The following VPS13C variants were observed in gnomAD, a reference collection of about 807,000 sequenced individuals.
VPS13C encodes vacuolar protein sorting 13 homolog C.
A neutral mutation model predicts 456.8 loss-of-function variants in VPS13C; 358 were observed. The ratio of observed to expected loss-of-function variants is 0.78; its 90% confidence interval spans 0.72 to 0.86. The LOEUF is 0.86. Among genes scored for constraint, VPS13C ranks in the 40% least tolerant of loss-of-function variants. The pLI, the probability that VPS13C is intolerant of heterozygous loss-of-function variation, is 0.00. For synonymous variants in VPS13C, 1,578 were observed against 1,486.7 expected (o/e 1.06, Z -1.41); for missense variants, 4,818 against 4,385.4 (o/e 1.10, Z -2.79).
intron 78 of VPS13C, among the ~76,000 whole-genome samples, chr15:61,872,690 T>C (rs1895124173): frequency 6.6e-6 from 1 of 152,084 alleles, no homozygotes. Context: ...GGATACACAC[T>C]TAAATTGGAA....
At chr15:62,021,449 G>A (rs979115185) in intron 8 of VPS13C, among the ~76,000 whole-genome samples, 15 of 151,760 alleles carry the variant, frequency 9.9e-5, no homozygotes, top group African/African-American at 3.4e-4. Flanking sequence ...TTAAGTTTTT[G>A]TTGTATTTCT....
intron 61 of VPS13C, among the ~76,000 whole-genome samples, 166 bp downstream of exon 61, chr15:61,915,467 T>C (rs1458744953): frequency 6.6e-6 from 1 of 152,196 alleles, no homozygotes; most frequent in Non-Finnish European, 1.5e-5. Context: ...AGGAAACCTA[T>C]TAGTTCCTAA....
At chr15:62,043,328 G>C (rs547215274) in intron 2 of VPS13C, among the ~76,000 whole-genome samples, 31 of 152,322 alleles carry the variant, frequency 2.0e-4, no homozygotes, top group African/African-American at 7.5e-4. Flanking sequence ...AGTTAGGCTG[G>C]GCGCAGTGGC....
At chr15:62,003,358 C>T (rs1171982177) in intron 15 of VPS13C, among the ~76,000 whole-genome samples, 1 of 151,664 alleles carries the variant, frequency 6.6e-6, no homozygotes, top group African/African-American at 2.4e-5. Flanking sequence ...GTGATTTTTG[C>T]ACATTGATTT....
At chr15:62,043,992 G>T (rs1596527040) in intron 2 of VPS13C, among the ~76,000 whole-genome samples, 1 of 152,042 alleles carries the variant, frequency 6.6e-6, no homozygotes, top group African/African-American at 2.4e-5. Context: ...TTAGATCAAC[G>T]AAAAACACTC....
intron 42 of VPS13C, among the ~76,000 whole-genome samples, chr15:61,948,399 C>T (rs933985615): frequency 6.6e-6 from 1 of 151,856 alleles, no homozygotes; most frequent in African/African-American, 2.4e-5. Context: ...AAATCACATC[C>T]GGCCGGGCGT....
chr15:61,922,791 A>G (rs910349711), intron 53 of VPS13C, 29 bp from the exon 54 acceptor site: 1 of 1,517,056 alleles, frequency 6.6e-7, no homozygotes, highest in South Asian at 1.4e-5. Flanking sequence ...AAAAATATTT[A>G]TAATAAATTC....
At chr15:61,866,635 A>T in intron 81 of VPS13C, 1 of 985,160 alleles carries the variant, frequency 1.0e-6, no homozygotes, top group South Asian at 4.7e-5. Flanking sequence ...CCAATGCTAA[A>T]TTATCTAGGC....
chr15:62,012,379 G>C (rs2047076049), intron 11 of VPS13C, among the ~76,000 whole-genome samples: 1 of 151,798 alleles, frequency 6.6e-6, no homozygotes, highest in Non-Finnish European at 1.5e-5. Flanking sequence ...AATTCTGTAT[G>C]TCTACAAACA....
In VPS13C at chr15:61,915,939, T is replaced by G. The variant is rs2043458155; in HGVS notation, c.8139A>C (p.Leu2713Phe). ...HSRISGEIME[L>F]VLVKYQGKNW... Reference sequence around the variant, plus strand: ...TTTTGCCCTGGTATTTCACCAGGACTAATTCCATTATTTCACCACTGATTC... The same window carrying G: ...TTTTGCCCTGGTATTTCACCAGGACGAATTCCATTATTTCACCACTGATTC... The change falls in exon 61 of 85, where the codon TTA becomes TTC. Residue 2713 changes from leucine to phenylalanine, a missense_variant. This residue lies in a region of VPS13C where 4,552 missense variants were observed against 4,130.6 expected (regional missense o/e 1.10). Coordinates refer to ENST00000644861, the MANE Select transcript of VPS13C (RefSeq NM_020821.3). The G allele has an allele frequency of 2.5e-6, 4 of 1,614,052 alleles. No homozygotes were observed. The highest frequency in any genetic ancestry group is 8.5e-7 in the Non-Finnish European group (1 of 1,179,978).
intron 49 of VPS13C, among the ~76,000 whole-genome samples, chr15:61,933,431 T>C (rs773628679): frequency 1.1e-4 from 16 of 152,122 alleles, no homozygotes; most frequent in Non-Finnish European, 2.2e-4. Context: ...AATGAACATA[T>C]TTCATATAAA....
At chr15:61,952,504 T>A (rs1303073527) in intron 38 of VPS13C, among the ~76,000 whole-genome samples, 1 of 152,180 alleles carries the variant, frequency 6.6e-6, no homozygotes, top group Admixed American at 6.5e-5. Context: ...GGACTTTATA[T>A]ATGTGTGTGT....
intron 18 of VPS13C, among the ~76,000 whole-genome samples, chr15:61,990,135 A>G (rs530897717): frequency 1.3e-5 from 2 of 152,320 alleles, no homozygotes; most frequent in African/African-American, 4.8e-5. Flanking sequence ...GAAAATATAT[A>G]TTTTATAAGG....
rs760985739 is a variant in VPS13C at position 61,890,387 on chromosome 15, T to C, written c.9119A>G (p.Gln3040Arg). 6.2e-7 allele frequency: 1 copy of C among 1,613,880 alleles called. No homozygotes were observed. The highest frequency in any genetic ancestry group is 2.2e-5 in the East Asian group (1 of 44,872). Residue 3040 changes from glutamine to arginine, a missense_variant, in exon 67 of 85, where the codon CAG becomes CGG. This residue lies in a region of VPS13C where 4,552 missense variants were observed against 4,130.6 expected (regional missense o/e 1.10). Transcript: ENST00000644861. ...CTGGATGTTTGCATCATATGGAAAC[T>C]GTCCACATCCATCCTGGGAAGAAGA... ...EHDLLKDGCG[Q>R]FPYDANIQIH... is the part of the protein sequence containing the mutation.
At position 61,947,305 on chromosome 15, in the gene VPS13C, G is replaced by C. The variant is rs375011150; in HGVS notation, c.4764C>G (p.Ser1588=). Residue 1588 remains serine, a synonymous_variant, in exon 43 of 85, where the codon TCC becomes TCG. Transcript: ENST00000644861. The part of the protein sequence containing the change: ...ESRSIAVKAV[S]SNISQKDVFD... ...ACACATCCTTTTGGGAAATGTTGCT[G>C]GATACTAAAAAATAATAGAAACCTT... 1 of 1,602,798 alleles carries C rather than the reference G, an allele frequency of 6.2e-7. No homozygotes were observed. The highest frequency in any genetic ancestry group is 1.3e-5 in the African/African-American group (1 of 74,300).
chr15:61,878,606 C>CA lies in VPS13C; in HGVS notation c.10142_10142+1insT (p.Lys3381AsnfsTer6). On this transcript the variant is annotated frameshift_variant and splice_region_variant. Coordinates refer to ENST00000644861, the MANE Select transcript of VPS13C (RefSeq NM_020821.3). LOFTEE classifies it high-confidence loss of function. ...TCAATGTACTCTAACAGAAGTCTTA[C>CA]TTGAATATAAGGTCATCCACATCAG... 6 of 1,606,768 alleles carry CA rather than the reference C, an allele frequency of 3.7e-6. No homozygotes were observed. Among genetic ancestry groups the CA allele is most frequent in the Non-Finnish European group, 5.1e-6 (6 of 1,177,346 alleles).
intron 48 of VPS13C, among the ~76,000 whole-genome samples, chr15:61,935,014 G>C (rs2044179787): frequency 6.6e-6 from 1 of 152,150 alleles, no homozygotes; most frequent in Non-Finnish European, 1.5e-5. Context: ...GCCTCCCAAA[G>C]TGCTGGGATT....
At position 61,856,310 on chromosome 15, in the gene VPS13C, T is replaced by C. The variant is rs1418918529; in HGVS notation, c.11052A>G (p.Glu3684=). The C allele has an allele frequency of 6.2e-7, 1 of 1,613,298 alleles. No homozygotes were observed. Among genetic ancestry groups the C allele is most frequent in the East Asian group, 2.2e-5 (1 of 44,788 alleles). Residue 3684 remains glutamate (E), a synonymous_variant, in exon 83 of 85, where the codon GAA becomes GAG. Coordinates refer to ENST00000644861, the MANE Select transcript of VPS13C (RefSeq NM_020821.3). ...CCTTAACTGAAATTTTTAGCACATTTTCACTGACACTAGGAGGAAATACAA... is the reference window on the plus strand; with the variant it reads ...CCTTAACTGAAATTTTTAGCACATTCTCACTGACACTAGGAGGAAATACAA... ...EDFVFPPSVS[E]NVLKISVKEQ...
intron 13 of VPS13C, among the ~76,000 whole-genome samples, 195 bp from the exon 14 acceptor site, chr15:62,008,956 A>G (rs980175058): frequency 5.9e-5 from 9 of 152,206 alleles, no homozygotes; most frequent in African/African-American, 2.2e-4. Context: ...CAAATTTAAG[A>G]CACTATCAAT....
Sources: allele counts gnomAD v4.1 joint callset (sites outside exome capture counted in the v4.1 genomes callset), GRCh38; gene constraint gnomAD v4.1.1; regional missense constraint gnomAD v4.1.1; transcripts MANE v1.5; gene names NCBI Gene and HGNC (gene_info 2026-07-23, HGNC 2026-07-21).